The following LPIN1 variants were observed in gnomAD, a reference collection of about 807,000 sequenced individuals.
LPIN1 encodes lipin 1.
Under a neutral mutation model 107.5 loss-of-function variants are expected in LPIN1, and 71 were observed. The observed-to-expected ratio is 0.66, with a 90% CI of 0.55 to 0.80. The LOEUF is 0.80. LPIN1 is among the 30% of genes least tolerant of loss of function. The probability of loss-of-function intolerance (pLI) is 0.00; values close to 1 mark genes in which losing one functional copy is unlikely to be tolerated. For synonymous variants in LPIN1, 445 were observed against 452.6 expected, an observed-to-expected ratio of 0.98 and a Z score of 0.21; for missense variants, 1,043 against 1,160.6, an observed-to-expected ratio of 0.90 and a Z score of 1.47.
chr2:11,818,299 T>C (rs1393749266), intron 18 of LPIN1: 1 of 152,242 alleles, frequency 6.6e-6, no homozygotes, highest in African/African-American at 2.4e-5. Flanking sequence ...GATCTTCCAA[T>C]TCAAGAGTAT....
At chr2:11,807,274 T>C (rs73917819) in intron 17 of LPIN1, among the ~76,000 whole-genome samples, 30,361 of 152,162 alleles carry the variant, frequency 0.2, 3,177 homozygotes, top group Middle Eastern at 0.27. Flanking sequence ...AGGTGGCGTA[T>C]GTGCAGCGTC....
chr2:11,764,103 T>TACACACACAC (rs1174224490), intron 1 of LPIN1: 40 of 121,842 alleles, frequency 3.3e-4, no homozygotes, highest in African/African-American at 1.1e-3. Flanking sequence ...TATATATATA[T>TACACACACAC]ACACACACAC....
At position 11,782,185 on chromosome 2, in the gene LPIN1, C is replaced by T. The variant is rs1422146288; in HGVS notation, c.958-16C>T. 2.5e-6 allele frequency: 4 copies of T among 1,601,542 alleles called. No individual in the cohort carries two copies. The highest frequency in any genetic ancestry group is 2.2e-5 in the East Asian group (1 of 44,840). On this transcript the variant is annotated splice_polypyrimidine_tract_variant and intron_variant, in intron 7 of 20. Coordinates refer to ENST00000674199, the MANE Select transcript of LPIN1 (RefSeq NM_001349206.2). ...ACCTTGTCTCTCTCTCTGTCCCTCT[C>T]TCCTCTTTGCTCTAGTCTTCTTCTC...
At chr2:11,768,780 C>CA (rs1671359371) in intron 3 of LPIN1, among the ~76,000 whole-genome samples, 1 of 151,934 alleles carries the variant, frequency 6.6e-6, no homozygotes, top group Non-Finnish European at 1.5e-5. Context: ...ACTAAAAATA[C>CA]AAAAAATTAG....
intron 1 of LPIN1, among the ~76,000 whole-genome samples, chr2:11,727,768 T>C (rs1664803459): frequency 6.6e-6 from 1 of 152,248 alleles, no homozygotes; most frequent in Admixed American, 6.5e-5. Flanking sequence ...TGAGAAACTC[T>C]GCTTCTATTA....
At chr2:11,792,132 G>C (rs1675860606) in intron 13 of LPIN1, 126 bp downstream of exon 13, 3 of 826,742 alleles carry the variant, frequency 3.6e-6, no homozygotes, top group Admixed American at 4.1e-5. Context: ...CCATGAGCCA[G>C]CTCTGCCATG....
At chr2:11,717,404 C>T (rs762072144) in intron 2 of LPIN1, among the ~76,000 whole-genome samples, 41 of 151,724 alleles carry the variant, frequency 2.7e-4, no homozygotes, top group Non-Finnish European at 5.2e-4. Flanking sequence ...GTTTTCTTGG[C>T]GGGGAGAGAT....
chr2:11,801,841 A>G (rs969025545), intron 14 of LPIN1, among the ~76,000 whole-genome samples: 1 of 152,234 alleles, frequency 6.6e-6, no homozygotes, highest in African/African-American at 2.4e-5. Flanking sequence ...TATGCATGAT[A>G]TTTTGATAAA....
chr2:11,728,740 T>C (rs1023607360), intron 1 of LPIN1, among the ~76,000 whole-genome samples: 13 of 152,156 alleles, frequency 8.5e-5, no homozygotes, highest in African/African-American at 3.1e-4. Flanking sequence ...TTCACTTGGG[T>C]TAACTAAATA....
rs1424576577 is a variant in LPIN1 at position 11,771,627 on chromosome 2, T to G, written c.544T>G (p.Phe182Val). ...GAACACATCTGAGGATGAGGACATG[T>G]TCCCCATCGAGATGAGCTCGGATGA... ...NMNTSEDEDM[F>V]PIEMSSDEAM... The change falls in exon 4 of 21, where the codon TTC (phenylalanine) becomes GTC (valine). Residue 182 changes from phenylalanine (F) to valine (V), a missense_variant. By Grantham distance (50) the Phe-to-Val change is conservative. Coordinates refer to ENST00000674199, the MANE Select transcript of LPIN1 (RefSeq NM_001349206.2). This position sits in a 1 kb window ranked among gnomAD's most constrained non-coding sequence, Gnocchi z 4.8. The G allele has an allele frequency of 6.2e-7, 1 of 1,606,930 alleles. No homozygotes were observed. Among genetic ancestry groups the G allele is most frequent in the Non-Finnish European group, 8.5e-7 (1 of 1,176,820 alleles).
At chr2:11,810,105 G>C (rs1679391528) in intron 17 of LPIN1, among the ~76,000 whole-genome samples, 1 of 152,190 alleles carries the variant, frequency 6.6e-6, no homozygotes, top group Admixed American at 6.5e-5. Context: ...GTTGCACCAG[G>C]AGCTGTCCTA....
At chr2:11,709,541 C>T (rs1663299327) in intron 1 of LPIN1, among the ~76,000 whole-genome samples, 1 of 152,228 alleles carries the variant, frequency 6.6e-6, no homozygotes, top group African/African-American at 2.4e-5. Context: ...CCCATGAAAG[C>T]AGACTGTATA....
chr2:11,755,114 C>T (rs1025953046), intron 1 of LPIN1, among the ~76,000 whole-genome samples: 13 of 151,784 alleles, frequency 8.6e-5, no homozygotes, highest in African/African-American at 1.7e-4. Context: ...TACAGGCGCC[C>T]GCCACCATGC....
chr2:11,779,688 C>A (rs1673249056), intron 7 of LPIN1, 43 bp downstream of exon 7: 1 of 1,612,064 alleles, frequency 6.2e-7, no homozygotes, highest in African/African-American at 1.3e-5. Context: ...AGATTTCTAA[C>A]TCAGCTTAAA....
chr2:11,765,731 G>A lies in LPIN1; in HGVS notation c.190G>A (p.Val64Met). 6 of 1,610,184 alleles carry A rather than the reference G, an allele frequency of 3.7e-6. No individual in the cohort carries two copies. Among genetic ancestry groups the A allele is most frequent in the Non-Finnish European group, 4.2e-6 (5 of 1,176,874 alleles). Residue 64 changes from valine (V) to methionine (M), a missense_variant and splice_region_variant, in exon 2 of 21, where the codon GTG becomes ATG. Physicochemically the swap from Val to Met is conservative, Grantham distance 21. Coordinates refer to ENST00000674199, the MANE Select transcript of LPIN1 (RefSeq NM_001349206.2). This position sits in a 1 kb window ranked among gnomAD's most constrained non-coding sequence, Gnocchi z 4.4. ...KMGVLRSREK[V>M]VDIEINGESV... ...GGGGGTCCTGCGCTCCCGAGAGAAAGTGGTGAGCTCTCAGGGCACGGGGAC... is the reference window on the plus strand; with the variant it reads ...GGGGGTCCTGCGCTCCCGAGAGAAAATGGTGAGCTCTCAGGGCACGGGGAC...
In LPIN1 at chr2:11,767,786, A is replaced by G. The variant is rs748297227; in HGVS notation, c.216A>G (p.Glu72=). 1 of 1,611,300 alleles carries G rather than the reference A, an allele frequency of 6.2e-7. No homozygotes were observed. The highest frequency in any genetic ancestry group is 8.5e-7 in the Non-Finnish European group (1 of 1,177,348). ...EKVVDIEING[E]SVDLHMKLGD... ...AGGTTGACATAGAAATCAATGGGGAATCTGTGGATTTGCATATGAAATTGG... is the reference window on the plus strand; with the variant it reads ...AGGTTGACATAGAAATCAATGGGGAGTCTGTGGATTTGCATATGAAATTGG... Residue 72 remains glutamate (E), a synonymous_variant, in exon 3 of 21, where the codon GAA becomes GAG. Transcript: ENST00000674199.
intron 1 of LPIN1, among the ~76,000 whole-genome samples, chr2:11,748,342 C>T (rs993458459): frequency 6.6e-6 from 1 of 152,262 alleles, no homozygotes; most frequent in Non-Finnish European, 1.5e-5. Context: ...TGAGATGCGC[C>T]GAGGCCGGCA....
chr2:11,686,133 G>T (rs1486917917), intron 1 of LPIN1, among the ~76,000 whole-genome samples: 4 of 152,166 alleles, frequency 2.6e-5, no homozygotes, highest in Admixed American at 1.3e-4. Flanking sequence ...CTGGCACACA[G>T]CAAGCGCCTG....
chr2:11,699,505 G>A (rs4233899), intron 1 of LPIN1, among the ~76,000 whole-genome samples: 85,456 of 151,568 alleles, frequency 0.56, 25,134 homozygotes, highest in East Asian at 0.78. Context: ...CACCTTTTAC[G>A]GTGCTAGTGT....
Sources: gnomAD v4.1 joint callset for allele counts (sites outside exome capture counted in the v4.1 genomes callset) on GRCh38, gnomAD v4.1.1 for gene constraint, Gnocchi (gnomAD v3.1) non-coding constraint, MANE v1.5 for transcripts, NCBI Gene and HGNC (gene_info 2026-07-23, HGNC 2026-07-21) for gene names.